VPS13B: variants seen among roughly 807,000 people sequenced by gnomAD.
The protein encoded by VPS13B is intermembrane lipid transfer protein VPS13B.
Under a neutral mutation model 426.4 loss-of-function variants are expected in VPS13B, and 285 were observed. The ratio of observed to expected loss-of-function variants is 0.67; its 90% CI spans 0.61 to 0.74. The LOEUF is 0.74. Among genes scored for constraint, VPS13B ranks in the 30% least tolerant of loss-of-function variants. The pLI is 0.00. For missense variants in VPS13B, 4,537 were observed against 4,782.6 expected (o/e 0.95, Z 1.51); for synonymous variants, 1,676 against 1,676.4 (o/e 1.00, Z 0.01).
At chr8:99,292,692 T>A (rs1480442731) in intron 19 of VPS13B, among the ~76,000 whole-genome samples, 1 of 152,086 alleles carries the variant, frequency 6.6e-6, no homozygotes, top group East Asian at 1.9e-4. Context: ...AGCAAATAAT[T>A]TAGATATCAT....
intron 29 of VPS13B, among the ~76,000 whole-genome samples, chr8:99,515,810 T>C (rs1167458085): frequency 1.3e-5 from 2 of 152,166 alleles, no homozygotes; most frequent in African/African-American, 4.8e-5. Flanking sequence ...TTCTTACTCT[T>C]ACCCTAACAG....
intron 19 of VPS13B, among the ~76,000 whole-genome samples, chr8:99,323,240 A>G (rs3134308): frequency 0.83 from 125,736 of 152,204 alleles, 52,459 homozygotes; most frequent in South Asian, 0.89. Context: ...CATGACGGTA[A>G]TTACAGAGAC....
rs762561805 is a variant in VPS13B, at chr8:99,226,658, T to C, written c.2515+33601T>C. The stretch of plus-strand genomic sequence containing the variant: ...GCCTTTCAGGTAATGATTCTTAATA[T>C]CAATCTTGCCTAAATTACATGTTAT... On this transcript the variant is annotated intron_variant, in intron 17 of 61. Transcript: ENST00000357162. Among the ~76,000 whole-genome samples, 3 of 152,208 alleles carry C rather than the reference T, an allele frequency of 2.0e-5. No individual in the cohort carries two copies. The South Asian group carries it at 6.2e-4, about 31-fold the overall frequency.
At chr8:99,752,892 G>C (rs944574178) in intron 39 of VPS13B, among the ~76,000 whole-genome samples, 1 of 152,154 alleles carries the variant, frequency 6.6e-6, no homozygotes, top group Non-Finnish European at 1.5e-5. Flanking sequence ...TATGAGCATT[G>C]CTTATTTGTC....
chr8:99,713,557 G>A (rs1035863163), intron 36 of VPS13B, among the ~76,000 whole-genome samples: 1 of 152,124 alleles, frequency 6.6e-6, no homozygotes, highest in African/African-American at 2.4e-5. Flanking sequence ...ATGCATTCAT[G>A]GTTTTTAATG....
intron 12 of VPS13B, 35 bp from the exon 13 acceptor site, chr8:99,142,938 AT>A (rs747632944): frequency 6.3e-7 from 1 of 1,583,134 alleles, no homozygotes; most frequent in Non-Finnish European, 8.6e-7. Context: ...GGTATATCCA[AT>A]TGATGCTTAA....
chr8:99,729,539 G>C (rs918878393), intron 39 of VPS13B, among the ~76,000 whole-genome samples: 1 of 152,188 alleles, frequency 6.6e-6, no homozygotes, highest in African/African-American at 2.4e-5. Context: ...TTCTTGACTA[G>C]TGCTTGCTTT....
chr8:99,138,263 A>C (rs1588078847), intron 12 of VPS13B, among the ~76,000 whole-genome samples: 1 of 152,174 alleles, frequency 6.6e-6, no homozygotes, highest in Admixed American at 6.5e-5. Context: ...AGTGGCTGGG[A>C]CTACAGGCAT....
rs140161953 is a variant in VPS13B at position 99,367,596 on chromosome 8, T to C, written c.2825-16612T>C. On this transcript the variant is annotated intron_variant, in intron 19 of 61. Coordinates refer to ENST00000357162, the MANE Select transcript of VPS13B (RefSeq NM_152564.5). The stretch of plus-strand genomic sequence containing the variant: ...TGAGTAAACTTTCTACACCTATATC[T>C]CTCCCTGCCTCCACTTTAAGGCAAA... 2.0e-5 allele frequency among the ~76,000 whole-genome samples: 3 copies of C among 152,316 alleles called. No individual in the cohort carries two copies. In the East Asian group the frequency reaches 5.8e-4, roughly 29 times the overall value.
intron 17 of VPS13B, among the ~76,000 whole-genome samples, chr8:99,196,457 G>A (rs1813932793): frequency 6.9e-6 from 1 of 145,936 alleles, no homozygotes; most frequent in Non-Finnish European, 1.5e-5. Flanking sequence ...TTTGGATGGA[G>A]TCTTTAGGGG....
chr8:99,803,779 A>G (rs1813254576), intron 43 of VPS13B, among the ~76,000 whole-genome samples: 1 of 152,238 alleles, frequency 6.6e-6, no homozygotes, highest in East Asian at 1.9e-4. Flanking sequence ...ATGTACTATC[A>G]GTTCCACTTA....
chr8:99,412,140 C>T (rs1815705309), intron 21 of VPS13B, among the ~76,000 whole-genome samples: 1 of 152,172 alleles, frequency 6.6e-6, no homozygotes, highest in African/African-American at 2.4e-5. Flanking sequence ...TTACTTTGGG[C>T]AGTTGACCAT....
intron 5 of VPS13B, among the ~76,000 whole-genome samples, chr8:99,104,597 C>T (rs1479557530): frequency 1.4e-5 from 2 of 139,406 alleles, no homozygotes; most frequent in Non-Finnish European, 3.1e-5. Flanking sequence ...CCTTCCCTTT[C>T]CTTGCTTCTC....
At chr8:99,053,864 G>A (rs1490189985) in intron 3 of VPS13B, among the ~76,000 whole-genome samples, 6 of 151,640 alleles carry the variant, frequency 4.0e-5, no homozygotes, top group South Asian at 2.1e-4. Context: ...CACCACCCCC[G>A]GCTAATTTTT....
At chr8:99,046,073 T>C (rs1259192661) in intron 3 of VPS13B, among the ~76,000 whole-genome samples, 1 of 152,178 alleles carries the variant, frequency 6.6e-6, no homozygotes, top group Non-Finnish European at 1.5e-5. Flanking sequence ...TTTTTCTAGT[T>C]CTGTGAAGGA....
chr8:99,114,145 C>CTT (rs35036952), intron 6 of VPS13B, among the ~76,000 whole-genome samples: 107,298 of 146,344 alleles, frequency 0.73, 39,770 homozygotes, highest in South Asian at 0.86. Context: ...TTGCAAATAT[C>CTT]TTTTTTTTTT....
In VPS13B at chr8:99,809,078, C is replaced by A. The variant is rs547355026; in HGVS notation, c.7942-297C>A. Among the ~76,000 whole-genome samples, 10 of 152,246 alleles carry A rather than the reference C, an allele frequency of 6.6e-5. 1 individual carries two copies. Among genetic ancestry groups the A allele is most frequent in the African/African-American group, 2.4e-4 (10 of 41,544 alleles). ...CTCACGCTTCAACCTTTTTGTCCTCCAGATGAATGAAATGATCTTTTCTCA... is the reference window on the plus strand; with the variant it reads ...CTCACGCTTCAACCTTTTTGTCCTCAAGATGAATGAAATGATCTTTTCTCA... On this transcript the variant is annotated intron_variant, in intron 43 of 61. Coordinates refer to ENST00000357162, the MANE Select transcript of VPS13B (RefSeq NM_152564.5).
At chr8:99,088,141 G>A (rs1390907452) in intron 3 of VPS13B, among the ~76,000 whole-genome samples, 8 of 145,148 alleles carry the variant, frequency 5.5e-5, no homozygotes, top group East Asian at 2.0e-4. Flanking sequence ...CCGAGATTGC[G>A]CCACTGTACT....
chr8:99,132,193 G>A (rs894353717), intron 8 of VPS13B, among the ~76,000 whole-genome samples: 6 of 152,078 alleles, frequency 3.9e-5, no homozygotes, highest in Admixed American at 6.6e-5. Context: ...CACTGTGTCC[G>A]GCTTCAGAGT....
Sources: gnomAD v4.1 joint callset for allele counts (sites outside exome capture counted in the v4.1 genomes callset) on GRCh38, gnomAD v4.1.1 for gene constraint, MANE v1.5 for transcripts, NCBI Gene and HGNC (gene_info 2026-07-23, HGNC 2026-07-21) for gene names.